SSX2IP: variants seen among roughly 807,000 people sequenced by gnomAD.
SSX2IP encodes SSX family member 2 interacting protein.
SSX2IP carries 55 observed loss-of-function variants against 84.9 expected under a neutral mutation model. The observed-to-expected ratio is 0.65, with a 90% CI of 0.52 to 0.81. SSX2IP has a LOEUF of 0.81. Among genes scored for constraint, SSX2IP ranks in the 30% least tolerant of loss-of-function variants. SSX2IP has a pLI of 0.00. For missense variants in SSX2IP, 664 were observed against 705.2 expected, an observed-to-expected ratio of 0.94 and a Z score of 0.66; for synonymous variants, 239 against 234.7, an observed-to-expected ratio of 1.02 and a Z score of -0.17.
chr1:84,652,143 A>T (rs138984254), intron 11 of SSX2IP, 146 bp from the exon 12 acceptor site: 1 of 605,612 alleles, frequency 1.7e-6, no homozygotes, highest in African/African-American at 1.8e-5. Context: ...AAAAAACTAA[A>T]AATAATTTCA....
At chr1:84,669,629 T>C (rs1653251465) in intron 4 of SSX2IP, 52 bp downstream of exon 4, 5 of 1,386,330 alleles carry the variant, frequency 3.6e-6, no homozygotes, top group East Asian at 4.6e-5. Context: ...TAAAAATTTA[T>C]AGTACTCAAT....
rs1437612157 is a variant in SSX2IP at position 84,670,686 on chromosome 1, G to A, written c.173C>T (p.Thr58Ile). 4 of 1,612,540 alleles carry A rather than the reference G, an allele frequency of 2.5e-6. No individual in the cohort carries two copies. The highest frequency in any genetic ancestry group is 1.7e-5 in the Admixed American group (1 of 59,930). ...NVHSFFSAFC[T>I]EDNIEQSISY... ...GATACTCTGTTCAATATTATCTTCT[G>A]TGCAGAAGGCACTGAAAAAACTGTG... is the stretch of plus-strand genomic sequence containing the variant. The change falls in exon 3 of 14, where the codon ACA (threonine) becomes ATA (isoleucine). Residue 58 changes from threonine (T) to isoleucine (I), a missense_variant. Thr to Ile is a moderately conservative substitution (Grantham distance 89). Transcript: ENST00000342203.
rs1652132986 is a variant in SSX2IP at position 84,662,357 on chromosome 1, A to G, written c.768T>C (p.Tyr256=). 1.9e-6 allele frequency: 3 copies of G among 1,607,562 alleles called. No individual in the cohort carries two copies. Among genetic ancestry groups the G allele is most frequent in the Non-Finnish European group, 2.5e-6 (3 of 1,177,772 alleles). Residue 256 remains tyrosine, a synonymous_variant, in exon 8 of 14, where the codon TAT becomes TAC. Transcript: ENST00000342203. Reference sequence around the variant, plus strand: ...ATTCATAATCATTCAAGAGAATTTTATACATTTCATCTTCATTCCTGAGAA... The same window carrying G: ...ATTCATAATCATTCAAGAGAATTTTGTACATTTCATCTTCATTCCTGAGAA... ...KTEARNEDEM[Y]KILLNDYEYR...
chr1:84,676,392 G>GTAT (rs1038992009), intron 1 of SSX2IP, among the ~76,000 whole-genome samples: 4 of 152,010 alleles, frequency 2.6e-5, no homozygotes, highest in South Asian at 4.1e-4. Flanking sequence ...AATACTTTTA[G>GTAT]TAAAAGCTTT....
chr1:84,645,138 C>T lies in SSX2IP; in HGVS notation c.*2295G>A, dbSNP rs958081261. On this transcript the variant is annotated 3_prime_UTR_variant, in exon 14 of 14. Transcript: ENST00000342203. ...TACAAATGGAAGTACACTCTAGAAC[C>T]ATCATCTATCATGGCTAAATGTGAG... 6.6e-6 allele frequency: 1 copy of T among 152,164 alleles called. No homozygotes were observed. Among genetic ancestry groups the T allele is most frequent in the African/African-American group, 2.4e-5 (1 of 41,428 alleles). 9.4% of individuals were successfully genotyped at this position (152,164 alleles called of 1,614,324 possible).
At chr1:84,678,899 A>C (rs986272736) in intron 1 of SSX2IP, among the ~76,000 whole-genome samples, 1 of 152,214 alleles carries the variant, frequency 6.6e-6, no homozygotes, top group Non-Finnish European at 1.5e-5. Context: ...CAGAATTCTA[A>C]AACAATTTCA....
chr1:84,688,335 A>C (rs1656080518), intron 1 of SSX2IP, among the ~76,000 whole-genome samples: 1 of 152,254 alleles, frequency 6.6e-6, no homozygotes, highest in African/African-American at 2.4e-5. Flanking sequence ...CATCGTATCA[A>C]AACCTCTTTG....
rs575515949 is a variant in SSX2IP, at chr1:84,645,106, G to A, written c.*2327C>T. The A allele has an allele frequency of 6.6e-6, 1 of 152,266 alleles. No homozygotes were observed. The highest frequency in any genetic ancestry group is 1.9e-4 in the East Asian group (1 of 5,182). 9.4% of individuals were successfully genotyped at this position (152,266 alleles called of 1,614,324 possible). A position where few individuals can be genotyped will look rare whatever the true frequency, so the allele number is the denominator to read the frequency against. The stretch of plus-strand genomic sequence containing the variant: ...TGATAAACAAGAAAGCACTTATCAG[G>A]AGGACTTACAAATGGAAGTACACTC... On this transcript the variant is annotated 3_prime_UTR_variant, in exon 14 of 14. Coordinates refer to ENST00000342203, the MANE Select transcript of SSX2IP (RefSeq NM_001166293.2).
chr1:84,680,679 G>A (rs189683763), intron 1 of SSX2IP, among the ~76,000 whole-genome samples: 76 of 152,090 alleles, frequency 5.0e-4, no homozygotes, highest in Admixed American at 9.8e-4. Flanking sequence ...CAGTAGATAT[G>A]TACAGGCATA....
chr1:84,657,335 A>G (rs754281926), intron 9 of SSX2IP, among the ~76,000 whole-genome samples: 1 of 152,172 alleles, frequency 6.6e-6, no homozygotes, highest in Non-Finnish European at 1.5e-5. Flanking sequence ...TCCATAGAGG[A>G]AAGTATAGAA....
chr1:84,688,638 C>G (rs1190148940), intron 1 of SSX2IP, among the ~76,000 whole-genome samples: 1 of 152,206 alleles, frequency 6.6e-6, no homozygotes. Context: ...CTGTGCTGGA[C>G]TTGAGGTCTT....
chr1:84,656,419 C>G lies in SSX2IP; in HGVS notation c.1144G>C (p.Glu382Gln), dbSNP rs1468954642. 1 of 1,613,536 alleles carries G rather than the reference C, an allele frequency of 6.2e-7. No homozygotes were observed. Among genetic ancestry groups the G allele is most frequent in the South Asian group, 1.1e-5 (1 of 91,012 alleles). Residue 382 changes from glutamate to glutamine, a missense_variant, in exon 10 of 14, where the codon GAA becomes CAA. By Grantham distance (29) the Glu-to-Gln change is conservative. Coordinates refer to ENST00000342203, the MANE Select transcript of SSX2IP (RefSeq NM_001166293.2). ...DVISRQDHEQ[E>Q]TEKLELEIQQ... ...ATTTCTAACTCGAGTTTTTCAGTTT[C>G]TTGTTCATGGTCTTGTCGTGAGATT...
At chr1:84,687,744 C>G (rs1490465996) in intron 1 of SSX2IP, among the ~76,000 whole-genome samples, 2 of 152,110 alleles carry the variant, frequency 1.3e-5, no homozygotes, top group South Asian at 4.2e-4. Flanking sequence ...AATATAATTC[C>G]CCTTCATAAA....
chr1:84,656,424 T>C lies in SSX2IP; in HGVS notation c.1139A>G (p.Glu380Gly). ...TAACTCGAGTTTTTCAGTTTCTTGTTCATGGTCTTGTCGTGAGATTACATC... is the reference window on the plus strand; with the variant it reads ...TAACTCGAGTTTTTCAGTTTCTTGTCCATGGTCTTGTCGTGAGATTACATC... ...DEDVISRQDH[E>G]QETEKLELEI... The change falls in exon 10 of 14, where the codon GAA (glutamate) becomes GGA (glycine). Residue 380 changes from glutamate (E) to glycine (G), a missense_variant. Transcript: ENST00000342203. 5 of 1,613,670 alleles carry C rather than the reference T, an allele frequency of 3.1e-6. No homozygotes were observed. Among genetic ancestry groups the C allele is most frequent in the Non-Finnish European group, 4.2e-6 (5 of 1,179,786 alleles).
rs150463572 is a variant in SSX2IP, at chr1:84,650,896, G to A, written c.1505-369C>T. Among the ~76,000 whole-genome samples, 467 of 152,118 alleles carry A rather than the reference G, an allele frequency of 3.1e-3. 16 individuals carry two copies. In the East Asian group the frequency reaches 0.083, roughly 27 times the overall value. The stretch of plus-strand genomic sequence containing the variant: ...ATTTTTTTGTATTTTTAGTACAGAC[G>A]GGGTTTCACTGTGTTAGCCAGGATG... On this transcript the variant is annotated intron_variant, in intron 12 of 13. Transcript: ENST00000342203.
At position 84,663,019 on chromosome 1, in the gene SSX2IP, A is replaced by G. The variant is rs992938551; in HGVS notation, c.674-489T>C. On this transcript the variant is annotated intron_variant, in intron 6 of 13. Transcript: ENST00000342203. The stretch of plus-strand genomic sequence containing the variant: ...TACTTTTCTTGTTACAATGGCAGAG[A>G]TAAGTAGGTGCAACAAATAAGTTGT... 2.6e-5 allele frequency among the ~76,000 whole-genome samples: 4 copies of G among 152,124 alleles called. No homozygotes were observed. In the South Asian group the frequency reaches 8.3e-4, roughly 31 times the overall value.
chr1:84,669,617 A>G, intron 4 of SSX2IP, 64 bp downstream of exon 4: 1 of 1,292,602 alleles, frequency 7.7e-7, no homozygotes, highest in African/African-American at 1.5e-5. Context: ...TAATAAAGTC[A>G]GTAAAAATTT....
At chr1:84,647,980 T>G (rs2994945) in intron 13 of SSX2IP, among the ~76,000 whole-genome samples, 1 of 151,982 alleles carries the variant, frequency 6.6e-6, no homozygotes, top group Admixed American at 6.5e-5. Context: ...CCAATACTTA[T>G]AGTAATTCGG....
Position 84,658,482 on chromosome 1 carries a change from G to C in SSX2IP, c.928-14C>G, listed in dbSNP as rs1196274181. 1 of 1,611,462 alleles carries C rather than the reference G, an allele frequency of 6.2e-7. No individual in the cohort carries two copies. On this transcript the variant is annotated splice_polypyrimidine_tract_variant and intron_variant, in intron 8 of 13. Coordinates refer to ENST00000342203, the MANE Select transcript of SSX2IP (RefSeq NM_001166293.2). ...ATCGGAAATAACCTACAAGCGGAGA[G>C]AGATGAAGAGGAAAGGCTAGTACCT...
Sources: gnomAD v4.1 joint callset for allele counts (sites outside exome capture counted in the v4.1 genomes callset) on GRCh38, gnomAD v4.1.1 for gene constraint, MANE v1.5 for transcripts, NCBI Gene and HGNC (gene_info 2026-07-23, HGNC 2026-07-21) for gene names.